OGFOD1: variants seen among roughly 807,000 people sequenced by gnomAD.
OGFOD1 encodes prolyl 3-hydroxylase OGFOD1.
OGFOD1 carries 54 observed loss-of-function variants against 67.7 expected under a neutral mutation model. The observed-to-expected ratio is 0.80, with a 90% confidence interval of 0.64 to 1.00. The LOEUF is 1.00. Among genes scored for constraint, OGFOD1 ranks in the 50% least tolerant of loss-of-function variants. The probability of loss-of-function intolerance (pLI) is 0.00; values close to 1 mark genes in which losing one functional copy is unlikely to be tolerated. For missense variants in OGFOD1, 606 were observed against 646.7 expected, an observed-to-expected ratio of 0.94 and a Z score of 0.68; for synonymous variants, 221 against 227.0, an observed-to-expected ratio of 0.97 and a Z score of 0.24.
At chr16:56,459,771 G>A (rs925187870) in intron 3 of OGFOD1, among the ~76,000 whole-genome samples, 5 of 152,096 alleles carry the variant, frequency 3.3e-5, no homozygotes, top group African/African-American at 9.7e-5. Context: ...TTCACATCAC[G>A]TGATCTTATT....
intron 2 of OGFOD1, among the ~76,000 whole-genome samples, chr16:56,456,763 C>T (rs568019602): frequency 2.0e-5 from 3 of 152,146 alleles, no homozygotes; most frequent in Non-Finnish European, 2.9e-5. Flanking sequence ...CCAGGTTGTT[C>T]GTGGCCTGTA....
At position 56,470,671 on chromosome 16, in the gene OGFOD1, G is replaced by C; in HGVS notation, c.1165G>C (p.Glu389Gln). 6.2e-7 allele frequency: 1 copy of C among 1,614,146 alleles called. No individual in the cohort carries two copies. Among genetic ancestry groups the C allele is most frequent in the Non-Finnish European group, 8.5e-7 (1 of 1,179,996 alleles). Residue 389 changes from glutamate (E) to glutamine (Q), a missense_variant, in exon 10 of 13, where the codon GAA becomes CAA. Coordinates refer to ENST00000566157, the MANE Select transcript of OGFOD1 (RefSeq NM_018233.4). ...KKEAETTDIT[E>Q]EGTSHSPPEP... is the part of the protein sequence containing the mutation. ...AGAGGCAGAAACCACTGATATCACT[G>C]AAGAAGGGACTAGCCATAGTCCTCC... is the stretch of plus-strand genomic sequence containing the variant.
intron 1 of OGFOD1, 21 bp from the exon 2 acceptor site, chr16:56,453,242 A>T: frequency 6.3e-7 from 1 of 1,599,182 alleles, no homozygotes; most frequent in Non-Finnish European, 8.5e-7. Flanking sequence ...AAAGCCATAG[A>T]TAATGTTTTT....
At chr16:56,469,850 CAAAAAAAAAAAAA>C (rs751278368) in intron 8 of OGFOD1, among the ~76,000 whole-genome samples, 140 bp from the exon 9 acceptor site, 12 of 53,322 alleles carry the variant, frequency 2.3e-4, no homozygotes, top group Non-Finnish European at 4.3e-4. Flanking sequence ...AACTCCATCT[CAAAAAAAAAAAAA>C]AAAAAAAAAA....
At chr16:56,475,999 A>G (rs758775931) in intron 12 of OGFOD1, 45 bp from the exon 13 acceptor site, 2 of 1,532,892 alleles carry the variant, frequency 1.3e-6, no homozygotes, top group Non-Finnish European at 1.8e-6. Flanking sequence ...AAGATTTGAG[A>G]ATAAGTTCTG....
chr16:56,460,972 GT>G (rs1962692558), intron 3 of OGFOD1, among the ~76,000 whole-genome samples: 1 of 152,146 alleles, frequency 6.6e-6, no homozygotes, highest in Non-Finnish European at 1.5e-5. Context: ...AAATGGAAAC[GT>G]TCACCATCTT....
chr16:56,451,588 G>C lies in OGFOD1; in HGVS notation c.-25G>C. ...GGAAGGTAGCGTCTTGATCTGCGTG[G>C]CGTGGTTCTGTGCCTTGGGAAGAGA... is the stretch of plus-strand genomic sequence containing the variant. On this transcript the variant is annotated 5_prime_UTR_variant, in exon 1 of 13. Transcript: ENST00000566157. 1 of 1,612,354 alleles carries C rather than the reference G, an allele frequency of 6.2e-7. No individual in the cohort carries two copies. The highest frequency in any genetic ancestry group is 8.5e-7 in the Non-Finnish European group (1 of 1,179,766).
chr16:56,468,294 G>A (rs1962988167), intron 8 of OGFOD1, among the ~76,000 whole-genome samples: 2 of 152,290 alleles, frequency 1.3e-5, no homozygotes, highest in South Asian at 4.1e-4. Flanking sequence ...GGAGTTGTGT[G>A]TAGTTACCTT....
chr16:56,459,846 A>G (rs1299213501), intron 3 of OGFOD1, among the ~76,000 whole-genome samples: 1 of 152,238 alleles, frequency 6.6e-6, no homozygotes, highest in East Asian at 1.9e-4. Flanking sequence ...ATTTGGAAAA[A>G]TAGAGTATTT....
chr16:56,456,379 C>T (rs1418057312), intron 2 of OGFOD1, among the ~76,000 whole-genome samples: 1 of 152,170 alleles, frequency 6.6e-6, no homozygotes, highest in African/African-American at 2.4e-5. Flanking sequence ...ATGGCTTTGC[C>T]TCCTCTTTGA....
Position 56,476,298 on chromosome 16 carries a change from T to C in OGFOD1, c.*93T>C. On this transcript the variant is annotated 3_prime_UTR_variant, in exon 13 of 13. Transcript: ENST00000566157. ...CATGGAGTCAAGGAGAACTACATGG[T>C]AGCTTGCCTGACAGTGTTCTTAAAA... is the stretch of plus-strand genomic sequence containing the variant. The C allele has an allele frequency of 2.5e-6, 3 of 1,205,374 alleles. No homozygotes were observed. In the East Asian group the frequency reaches 7.4e-5, roughly 30 times the overall value. 74.7% of individuals were successfully genotyped at this position (1,205,374 alleles called of 1,614,324 possible).
chr16:56,467,051 A>C, intron 6 of OGFOD1, 84 bp downstream of exon 6: 1 of 1,539,066 alleles, frequency 6.5e-7, no homozygotes, highest in Non-Finnish European at 9.0e-7. Context: ...TTCCTGTTAG[A>C]CTTGTTATCT....
chr16:56,462,170 C>T (rs1263690335), intron 3 of OGFOD1, among the ~76,000 whole-genome samples: 1 of 151,836 alleles, frequency 6.6e-6, no homozygotes, highest in Non-Finnish European at 1.5e-5. Context: ...GTCTGAAAAT[C>T]AGTAACTTGG....
At chr16:56,473,365 T>C (rs1010428112) in intron 10 of OGFOD1, among the ~76,000 whole-genome samples, 10 of 152,262 alleles carry the variant, frequency 6.6e-5, no homozygotes, top group Non-Finnish European at 1.5e-4. Context: ...ATCTATTGGA[T>C]CAGATGACCT....
At chr16:56,467,807 A>G in intron 7 of OGFOD1, 98 bp from the exon 8 acceptor site, 1 of 716,002 alleles carries the variant, frequency 1.4e-6, no homozygotes, top group South Asian at 1.6e-5. Context: ...AACTTATAAA[A>G]TGAGGATTTG....
intron 4 of OGFOD1, among the ~76,000 whole-genome samples, chr16:56,465,282 G>A (rs1203658380): frequency 1.3e-5 from 2 of 152,134 alleles, no homozygotes; most frequent in Non-Finnish European, 2.9e-5. Flanking sequence ...TTACAGGCGT[G>A]AGCCACCGTG....
intron 3 of OGFOD1, among the ~76,000 whole-genome samples, chr16:56,462,106 GAAAGA>G (rs1177923526): frequency 1.7e-4 from 26 of 149,436 alleles, no homozygotes; most frequent in Admixed American, 6.7e-4. Flanking sequence ...AAAAAAAAAA[GAAAGA>G]AAAGAAAAGA....
intron 9 of OGFOD1, 50 bp from the exon 10 acceptor site, chr16:56,470,437 C>A: frequency 6.7e-7 from 1 of 1,492,190 alleles, no homozygotes; most frequent in South Asian, 1.3e-5. Flanking sequence ...TTCTGTGAGT[C>A]ATTTTACATC....
At chr16:56,469,822 C>T (rs1963067362) in intron 8 of OGFOD1, among the ~76,000 whole-genome samples, 181 bp from the exon 9 acceptor site, 1 of 139,690 alleles carries the variant, frequency 7.2e-6, no homozygotes, top group African/African-American at 2.8e-5. Context: ...TGTACTCCAG[C>T]CTGGGCAACA....
Sources: gnomAD v4.1 joint callset for allele counts (sites outside exome capture counted in the v4.1 genomes callset) on GRCh38, gnomAD v4.1.1 for gene constraint, MANE v1.5 for transcripts, NCBI Gene and HGNC (gene_info 2026-07-23, HGNC 2026-07-21) for gene names.